NPFFR2: variants seen among roughly 807,000 people sequenced by gnomAD.
The protein encoded by NPFFR2 is neuropeptide FF receptor 2.
A neutral mutation model predicts 13.1 loss-of-function variants in NPFFR2; 15 were observed. The ratio of observed to expected loss-of-function variants is 1.15; its 90% CI spans 0.77 to 1.76. NPFFR2 has a LOEUF of 1.76. NPFFR2 is among the 40% of genes most tolerant of loss of function. The pLI, the probability that NPFFR2 is intolerant of heterozygous loss-of-function variation, is 0.00. For synonymous variants in NPFFR2, 190 were observed against 175.7 expected (o/e 1.08, Z -0.65); for missense variants, 572 against 503.5 (o/e 1.14, Z -1.30).
chr4:72,099,042 T>C (rs1209364601), intron 1 of NPFFR2, among the ~76,000 whole-genome samples: 1 of 152,176 alleles, frequency 6.6e-6, no homozygotes, highest in African/African-American at 2.4e-5. Flanking sequence ...GAAGTCAATA[T>C]GTACAGGCAA....
intron 1 of NPFFR2, among the ~76,000 whole-genome samples, chr4:72,067,436 C>T (rs1417820825): frequency 6.6e-6 from 1 of 152,132 alleles, no homozygotes; most frequent in Non-Finnish European, 1.5e-5. Context: ...CCTTCAGTGT[C>T]GTGCTCCCAT....
chr4:72,125,253 C>A (rs1722006150), intron 1 of NPFFR2, among the ~76,000 whole-genome samples: 1 of 152,096 alleles, frequency 6.6e-6, no homozygotes, highest in Non-Finnish European at 1.5e-5. Context: ...GTTAGAATTG[C>A]AATCATTAAA....
chr4:72,131,978 T>C lies in NPFFR2; in HGVS notation c.328+3059T>C, dbSNP rs1053091102. Among the ~76,000 whole-genome samples, 4 of 152,248 alleles carry C rather than the reference T, an allele frequency of 2.6e-5. No homozygotes were observed. The East Asian group carries it at 7.7e-4, about 29-fold the overall frequency. On this transcript the variant is annotated intron_variant, in intron 2 of 3. Transcript: ENST00000308744. ...AGAGGGTGTACAAATTGATAATTAT[T>C]GTTATCACTCCCAGACAAGTTTTTT...
At chr4:72,076,009 AGAGAGAGAGAGG>A (rs1273742054) in intron 1 of NPFFR2, among the ~76,000 whole-genome samples, 402 of 8,556 alleles carry the variant, frequency 0.047, 4 homozygotes, top group African/African-American at 0.098. Context: ...ACACACACAG[AGAGAGAGAGAGG>A]GCAGACAGCA....
At chr4:72,039,083 G>C (rs931650666) in intron 1 of NPFFR2, 1 of 147,658 alleles carries the variant, frequency 6.8e-6, no homozygotes, top group African/African-American at 2.5e-5. Context: ...TTTTGAGACG[G>C]AGTCTCGCTC....
At chr4:72,142,273 G>A (rs1393605563) in intron 3 of NPFFR2, among the ~76,000 whole-genome samples, 6 of 152,060 alleles carry the variant, frequency 3.9e-5, no homozygotes, top group African/African-American at 1.2e-4. Flanking sequence ...GGTTAATAGC[G>A]TTATATTTGA....
intron 1 of NPFFR2, among the ~76,000 whole-genome samples, chr4:72,058,200 A>G (rs987226060): frequency 6.6e-6 from 1 of 152,072 alleles, no homozygotes. Context: ...AGTACACACT[A>G]AAGTATTTAT....
chr4:72,049,102 A>C (rs1358477182), intron 1 of NPFFR2, among the ~76,000 whole-genome samples: 2 of 152,114 alleles, frequency 1.3e-5, no homozygotes. Flanking sequence ...GCTCTATTAC[A>C]CAGCATAATT....
chr4:72,105,922 G>A (rs189643183), intron 1 of NPFFR2, among the ~76,000 whole-genome samples: 1 of 152,002 alleles, frequency 6.6e-6, no homozygotes, highest in Non-Finnish European at 1.5e-5. Flanking sequence ...CCTGGTTTTA[G>A]TTTCAGCTAA....
At position 72,061,143 on chromosome 4, in the gene NPFFR2, T is replaced by A. The variant is rs145258102; in HGVS notation, c.-8+28943T>A. Among the ~76,000 whole-genome samples, 894 of 152,240 alleles carry A rather than the reference T, an allele frequency of 5.9e-3. 6 individuals are homozygous for A. The highest frequency in any genetic ancestry group is 0.02 in the African/African-American group (832 of 41,542). On this transcript the variant is annotated intron_variant, in intron 1 of 3. Transcript: ENST00000308744. Reference sequence around the variant, plus strand: ...AAATCAGGAAGGTGTGGAACCAGTGTCTTCACTGCAGCACTGACAGTCATG... The same window carrying A: ...AAATCAGGAAGGTGTGGAACCAGTGACTTCACTGCAGCACTGACAGTCATG...
At chr4:72,064,076 G>T (rs1448700623) in intron 1 of NPFFR2, among the ~76,000 whole-genome samples, 2 of 152,184 alleles carry the variant, frequency 1.3e-5, no homozygotes, top group Non-Finnish European at 2.9e-5. Flanking sequence ...CACCCACCAG[G>T]AACATGGATA....
chr4:72,039,012 C>T (rs1484226183), intron 1 of NPFFR2, among the ~76,000 whole-genome samples: 1 of 141,064 alleles, frequency 7.1e-6, no homozygotes, highest in South Asian at 2.3e-4. Context: ...TCGCGCCATT[C>T]TCCTGCGTCA....
chr4:72,147,267 G>A lies in NPFFR2; in HGVS notation c.718G>A (p.Gly240Arg). 6.2e-7 allele frequency: 1 copy of A among 1,614,138 alleles called. No individual in the cohort carries two copies. Among genetic ancestry groups the A allele is most frequent in the Non-Finnish European group, 8.5e-7 (1 of 1,180,008 alleles). ...CCTCTCCCTCATTGTCATCATGTAT[G>A]GAAGGATTGGAATTTCACTCTTCAG... ...APLSLIVIMY[G>R]RIGISLFRAA... The change falls in exon 4 of 4, where the codon GGA becomes AGA. Residue 240 changes from glycine (G) to arginine (R), a missense_variant. Coordinates refer to ENST00000308744, the MANE Select transcript of NPFFR2 (RefSeq NM_004885.3).
At chr4:72,081,467 T>C (rs751968224) in intron 1 of NPFFR2, among the ~76,000 whole-genome samples, 1 of 149,986 alleles carries the variant, frequency 6.7e-6, no homozygotes, top group Non-Finnish European at 1.5e-5. Context: ...GTAAAGAAGA[T>C]GGCTAATAAT....
chr4:72,051,929 C>G (rs573875526), intron 1 of NPFFR2, among the ~76,000 whole-genome samples: 1 of 141,776 alleles, frequency 7.1e-6, no homozygotes, highest in South Asian at 2.4e-4. Flanking sequence ...CATACACTCT[C>G]CCAAGACTAA....
rs147210431 is a variant in NPFFR2, at chr4:72,061,564, A to G, written c.-8+29364A>G. On this transcript the variant is annotated intron_variant, in intron 1 of 3. Transcript: ENST00000308744. ...GTTTTGAACTGTAGCTAATCTCCCT[A>G]CCTCAAAGATTTTTAAGAGTTAGTT... is the stretch of plus-strand genomic sequence containing the variant. Among the ~76,000 whole-genome samples the G allele has an allele frequency of 5.9e-3, 891 of 152,168 alleles. 5 individuals carry two copies. The highest frequency in any genetic ancestry group is 0.021 in the African/African-American group (856 of 41,524).
intron 1 of NPFFR2, among the ~76,000 whole-genome samples, chr4:72,072,087 C>G (rs1437499214): frequency 1.3e-5 from 2 of 152,042 alleles, no homozygotes; most frequent in Non-Finnish European, 2.9e-5. Flanking sequence ...AAAAAAGCAG[C>G]AAATCCTGGT....
chr4:72,089,940 A>T (rs1455279514), intron 1 of NPFFR2, among the ~76,000 whole-genome samples: 1 of 152,008 alleles, frequency 6.6e-6, no homozygotes, highest in Non-Finnish European at 1.5e-5. Context: ...ATCTTCTAGA[A>T]TTTTTATGGT....
At chr4:72,120,409 G>A (rs930479146) in intron 1 of NPFFR2, among the ~76,000 whole-genome samples, 8 of 152,206 alleles carry the variant, frequency 5.3e-5, no homozygotes, top group African/African-American at 9.6e-5. Flanking sequence ...GCTCTGCTAA[G>A]GGCCAGACTG....
Sources: allele counts gnomAD v4.1 joint callset (sites outside exome capture counted in the v4.1 genomes callset), GRCh38; gene constraint gnomAD v4.1.1; transcripts MANE v1.5; gene names NCBI Gene and HGNC (gene_info 2026-07-23, HGNC 2026-07-21).